NXN: variants seen among roughly 807,000 people sequenced by gnomAD.
NXN encodes the protein nucleoredoxin.
NXN carries 16 observed loss-of-function variants against 48.6 expected under a neutral mutation model. The ratio of observed to expected loss-of-function variants is 0.33; its 90% CI spans 0.22 to 0.50. NXN has a LOEUF of 0.50. NXN is among the 20% of genes least tolerant of loss of function. The probability of loss-of-function intolerance (pLI) is 0.98; values close to 1 mark genes in which losing one functional copy is unlikely to be tolerated. For missense variants in NXN, 492 were observed against 605.5 expected, an observed-to-expected ratio of 0.81 and a Z score of 1.97; for synonymous variants, 281 against 269.6, an observed-to-expected ratio of 1.04 and a Z score of -0.41.
intron 1 of NXN, among the ~76,000 whole-genome samples, chr17:864,796 A>T (rs1172806316): frequency 6.6e-6 from 1 of 152,150 alleles, no homozygotes; most frequent in Non-Finnish European, 1.5e-5. Flanking sequence ...AAAGTTAAGG[A>T]AGCTGCTGCA....
At chr17:918,852 A>G (rs536014014) in intron 1 of NXN, among the ~76,000 whole-genome samples, 46 of 150,242 alleles carry the variant, frequency 3.1e-4, no homozygotes, top group Admixed American at 2.1e-3. Context: ...GAATTTAAGG[A>G]CTCAGAAAAC....
chr17:930,598 A>G (rs117894914), intron 1 of NXN, among the ~76,000 whole-genome samples: 3,984 of 152,268 alleles, frequency 0.026, 68 homozygotes, highest in Non-Finnish European at 0.04. Context: ...CTAAAGGTAC[A>G]AAAAATAGGA....
rs1443653705 is a variant in NXN, at chr17:967,640, G to A, written c.360+11679C>T. Among the ~76,000 whole-genome samples, 6 of 152,204 alleles carry A rather than the reference G, an allele frequency of 3.9e-5. No individual in the cohort carries two copies. In the South Asian group the frequency reaches 8.3e-4, roughly 21 times the overall value. Reference sequence around the variant, plus strand: ...GGAAAAGCAGGGAAGGGAAACTATAGGTTAAAAGAGGCTTAAGGGATACAG... The same window carrying A: ...GGAAAAGCAGGGAAGGGAAACTATAAGTTAAAAGAGGCTTAAGGGATACAG... On this transcript the variant is annotated intron_variant, in intron 1 of 7. Coordinates refer to ENST00000336868, the MANE Select transcript of NXN (RefSeq NM_022463.5).
chr17:943,557 C>G (rs1284705982), intron 1 of NXN, among the ~76,000 whole-genome samples: 1 of 152,210 alleles, frequency 6.6e-6, no homozygotes, highest in African/African-American at 2.4e-5. Flanking sequence ...CACAGTGGCT[C>G]ACGCCTGTAA....
chr17:941,844 A>C lies in NXN; in HGVS notation c.360+37475T>G, dbSNP rs1401161732. Reference sequence around the variant, plus strand: ...AACAAGATTCCAGGGTGCAGCCATGAATTCACCAAACACCTCCCTGGATTT... The same window carrying C: ...AACAAGATTCCAGGGTGCAGCCATGCATTCACCAAACACCTCCCTGGATTT... On this transcript the variant is annotated intron_variant, in intron 1 of 7. Transcript: ENST00000336868. 4.6e-5 allele frequency among the ~76,000 whole-genome samples: 3 copies of C among 65,028 alleles called. 1 individual carries two copies. The highest frequency in any genetic ancestry group is 9.4e-5 in the Non-Finnish European group (3 of 31,908). The allele number at this position is 65,028 out of a possible 152,430, so 42.7% of individuals were successfully genotyped here.
At chr17:957,197 TGA>T (rs1256293741) in intron 1 of NXN, among the ~76,000 whole-genome samples, 2 of 152,176 alleles carry the variant, frequency 1.3e-5, no homozygotes, top group Admixed American at 6.6e-5. Context: ...ACATCTGGCT[TGA>T]GAGCGTCCTC....
intron 1 of NXN, among the ~76,000 whole-genome samples, chr17:921,491 T>C (rs2068750050): frequency 1.3e-5 from 2 of 152,112 alleles, no homozygotes. Flanking sequence ...CTGTGGCTTG[T>C]CCTTGGTCCC....
rs1373917391 is a variant in NXN, at chr17:849,864, G to C, written c.361-23786C>G. 6.6e-6 allele frequency among the ~76,000 whole-genome samples: 1 copy of C among 152,138 alleles called. No individual in the cohort carries two copies. Among genetic ancestry groups the C allele is most frequent in the Non-Finnish European group, 1.5e-5 (1 of 68,030 alleles). On this transcript the variant is annotated intron_variant, in intron 1 of 7. Transcript: ENST00000336868. The surrounding 1 kb of genome is among the most constrained non-coding windows in gnomAD (Gnocchi z 4.2). ...GGAGGACAGATAAGGAGGGGCAGGA[G>C]AGACACCAGAGTCAGAGAGGAGCGA...
At chr17:968,229 G>C (rs947370084) in intron 1 of NXN, among the ~76,000 whole-genome samples, 4 of 152,250 alleles carry the variant, frequency 2.6e-5, no homozygotes, top group African/African-American at 9.6e-5. Flanking sequence ...GGGATTCACT[G>C]AACTGCTTTC....
At chr17:922,727 C>T (rs994433376) in intron 1 of NXN, among the ~76,000 whole-genome samples, 15 of 151,980 alleles carry the variant, frequency 9.9e-5, no homozygotes, top group Non-Finnish European at 1.9e-4. Context: ...TCTCGGCTCA[C>T]TGCAACCTCT....
At chr17:913,700 C>G (rs1450134350) in intron 1 of NXN, among the ~76,000 whole-genome samples, 1 of 152,018 alleles carries the variant, frequency 6.6e-6, no homozygotes, top group Non-Finnish European at 1.5e-5. Context: ...CGGGACCCTT[C>G]TCAGATGACT....
Position 849,077 on chromosome 17 carries a change from C to T in NXN, c.361-22999G>A, listed in dbSNP as rs1169835860. ...AGCCTGTCTGGTATGTAACAGGCTC[C>T]GGCTTCCTCTCTAGACCCTCCCCTG... On this transcript the variant is annotated intron_variant, in intron 1 of 7. Transcript: ENST00000336868. The surrounding 1 kb of genome is among the most constrained non-coding windows in gnomAD (Gnocchi z 4.2). Among the ~76,000 whole-genome samples, 4 of 152,312 alleles carry T rather than the reference C, an allele frequency of 2.6e-5. No homozygotes were observed. The South Asian group carries it at 6.2e-4, about 24-fold the overall frequency.
intron 5 of NXN, among the ~76,000 whole-genome samples, chr17:809,896 TCC>T (rs569926657): frequency 5.9e-5 from 7 of 119,250 alleles, no homozygotes; most frequent in East Asian, 2.8e-4. Flanking sequence ...ACGTTAAGAG[TCC>T]CTGTGAGTGC....
chr17:803,854 C>T (rs779692466), intron 6 of NXN, 48 bp from the exon 7 acceptor site: 1 of 1,609,682 alleles, frequency 6.2e-7, no homozygotes, highest in Non-Finnish European at 8.5e-7. Flanking sequence ...AAAGCACTGG[C>T]TTGTCAAACA....
intron 1 of NXN, among the ~76,000 whole-genome samples, chr17:862,699 C>T (rs906621152): frequency 9.2e-5 from 14 of 152,236 alleles, no homozygotes; most frequent in African/African-American, 3.1e-4. Context: ...ATCTGGCAGA[C>T]ATTAGCTCAA....
At chr17:810,098 T>C (rs879171376) in intron 5 of NXN, among the ~76,000 whole-genome samples, 13 of 92,990 alleles carry the variant, frequency 1.4e-4, no homozygotes, top group East Asian at 3.7e-4. Context: ...TCCGTGTGAG[T>C]GGCGTGCACG....
intron 1 of NXN, among the ~76,000 whole-genome samples, chr17:975,788 C>T (rs1049048870): frequency 3.9e-5 from 6 of 152,144 alleles, no homozygotes; most frequent in African/African-American, 2.4e-5. Flanking sequence ...AAGTGGATCC[C>T]GGAGACGGAC....
intron 1 of NXN, among the ~76,000 whole-genome samples, chr17:893,474 C>A (rs1266018329): frequency 6.6e-6 from 1 of 152,178 alleles, no homozygotes; most frequent in Non-Finnish European, 1.5e-5. Context: ...CGCTCAGTAG[C>A]GTGACATAAG....
chr17:959,042 C>T lies in NXN; in HGVS notation c.360+20277G>A, dbSNP rs561721484. 63 of 267,100 alleles carry T rather than the reference C, an allele frequency of 2.4e-4. 1 individual carries two copies. The Admixed American group carries it at 2.9e-3, about 12-fold the overall frequency. The allele number at this position is 267,100 out of a possible 1,614,324, so 16.5% of individuals were successfully genotyped here. A position where few individuals can be genotyped will look rare whatever the true frequency, so the allele number is the denominator to read the frequency against. On this transcript the variant is annotated intron_variant, in intron 1 of 7. Transcript: ENST00000336868. ...CGCGGAGCCGAGGGACCATGGTGGC[C>T]GCGGTGTGGTCACTGATGAGGTTCC...
Sources: allele counts gnomAD v4.1 joint callset (sites outside exome capture counted in the v4.1 genomes callset), GRCh38; gene constraint gnomAD v4.1.1; non-coding constraint Gnocchi (gnomAD v3.1); transcripts MANE v1.5; gene names NCBI Gene and HGNC (gene_info 2026-07-23, HGNC 2026-07-21).